OXCT1: variants seen among roughly 807,000 people sequenced by gnomAD.
OXCT1 encodes 3-oxoacid CoA-transferase 1, also known as succinyl-CoA:3-ketoacid coenzyme A transferase 1, mitochondrial.
In OXCT1, 27 loss-of-function variants were observed where a neutral mutation model predicts 69.6. The observed-to-expected ratio is 0.39, with a 90% CI of 0.29 to 0.54. The LOEUF is 0.54. OXCT1 is among the 20% of genes least tolerant of loss of function. The probability of loss-of-function intolerance (pLI) is 0.72; values close to 1 mark genes in which losing one functional copy is unlikely to be tolerated. For missense variants in OXCT1, 437 were observed against 650.2 expected (o/e 0.67, Z 3.57); for synonymous variants, 202 against 217.8 (o/e 0.93, Z 0.64).
chr5:41,811,449 T>C (rs779510413), intron 7 of OXCT1, among the ~76,000 whole-genome samples: 2 of 151,936 alleles, frequency 1.3e-5, no homozygotes, highest in Non-Finnish European at 2.9e-5. Flanking sequence ...AAAAAAGAAA[T>C]AATTTTTTAA....
chr5:41,856,939 G>A (rs1413858428), intron 3 of OXCT1, among the ~76,000 whole-genome samples: 1 of 152,056 alleles, frequency 6.6e-6, no homozygotes, highest in Admixed American at 6.6e-5. Context: ...CCTAGTACCT[G>A]GCTAGGTCCC....
intron 7 of OXCT1, among the ~76,000 whole-genome samples, chr5:41,836,299 G>C (rs993496023): frequency 6.6e-6 from 1 of 152,206 alleles, no homozygotes; most frequent in South Asian, 2.1e-4. Context: ...GCGCCCATGT[G>C]CACTATTTTT....
Position 41,870,162 on chromosome 5 carries a change from C to T in OXCT1, c.78+119G>A. The T allele has an allele frequency of 1.2e-6, 1 of 839,010 alleles. No individual in the cohort carries two copies. The highest frequency in any genetic ancestry group is 2.0e-6 in the Non-Finnish European group (1 of 498,160). 52.0% of individuals were successfully genotyped at this position (839,010 alleles called of 1,614,324 possible). A position where few individuals can be genotyped will look rare whatever the true frequency, so the allele number is the denominator to read the frequency against. On this transcript the variant is annotated intron_variant, in intron 1 of 16. Transcript: ENST00000196371. The surrounding 1 kb of genome is among the most constrained non-coding windows in gnomAD (Gnocchi z 4.2). ...TGTCCGTGACCAGGGCACCGCGCCA[C>T]GGATGCCAGATCCCAGGCTGGAGAG...
chr5:41,745,437 C>T (rs1233749879), intron 15 of OXCT1, among the ~76,000 whole-genome samples: 1 of 152,074 alleles, frequency 6.6e-6, no homozygotes, highest in Admixed American at 6.6e-5. Context: ...TAAATGCCCA[C>T]AAGAGAAAGC....
At chr5:41,760,227 T>A (rs772503629) in intron 14 of OXCT1, among the ~76,000 whole-genome samples, 55 of 152,254 alleles carry the variant, frequency 3.6e-4, no homozygotes, top group Non-Finnish European at 4.6e-4. Flanking sequence ...AGAGAAACTG[T>A]TGATTATTTT....
At chr5:41,775,635 T>A (rs1238550345) in intron 13 of OXCT1, among the ~76,000 whole-genome samples, 1 of 152,142 alleles carries the variant, frequency 6.6e-6, no homozygotes, top group Non-Finnish European at 1.5e-5. Flanking sequence ...AGACCCTCTC[T>A]CCTTCCTAGA....
intron 12 of OXCT1, 155 bp downstream of exon 12, chr5:41,794,522 G>C (rs534110624): frequency 3.3e-5 from 23 of 693,134 alleles, no homozygotes; most frequent in Middle Eastern, 5.9e-4. Context: ...CCCAACATTC[G>C]ATGTGAATAA....
intron 7 of OXCT1, among the ~76,000 whole-genome samples, chr5:41,815,689 C>T (rs1747205661): frequency 6.6e-6 from 1 of 152,132 alleles, no homozygotes; most frequent in African/African-American, 2.4e-5. Flanking sequence ...TCATTCAAAG[C>T]ACCAGTCTTA....
intron 6 of OXCT1, 39 bp downstream of exon 6, chr5:41,842,636 T>C: frequency 1.5e-6 from 2 of 1,348,628 alleles, no homozygotes; most frequent in Non-Finnish European, 2.1e-6. Context: ...TTTTTAGAGT[T>C]GCTGATATGC....
chr5:41,758,935 TG>T (rs1744214607), intron 14 of OXCT1, among the ~76,000 whole-genome samples: 1 of 152,070 alleles, frequency 6.6e-6, no homozygotes, highest in African/African-American at 2.4e-5. Flanking sequence ...TGGGTTTATC[TG>T]TGTGCCCAGA....
intron 9 of OXCT1, 151 bp downstream of exon 9, chr5:41,805,416 C>T (rs1225715513): frequency 4.1e-5 from 26 of 629,346 alleles, no homozygotes; most frequent in Non-Finnish European, 7.3e-5. Flanking sequence ...TTATATGCCA[C>T]ATTTTGTAAA....
intron 7 of OXCT1, among the ~76,000 whole-genome samples, chr5:41,824,645 C>T (rs1277807687): frequency 6.6e-6 from 1 of 152,116 alleles, no homozygotes; most frequent in East Asian, 1.9e-4. Flanking sequence ...ATAAATAAAA[C>T]AGCAGCTAAA....
chr5:41,869,691 T>C (rs1750186733), intron 1 of OXCT1, among the ~76,000 whole-genome samples: 1 of 151,992 alleles, frequency 6.6e-6, no homozygotes, highest in Non-Finnish European at 1.5e-5. Flanking sequence ...TGGCGAGCGC[T>C]CCAGTCTACG....
At chr5:41,788,268 A>G (rs1032411497) in intron 13 of OXCT1, among the ~76,000 whole-genome samples, 1 of 152,134 alleles carries the variant, frequency 6.6e-6, no homozygotes, top group African/African-American at 2.4e-5. Flanking sequence ...TAAAATACTC[A>G]AAAAATACGT....
chr5:41,801,549 G>A (rs569020048), intron 10 of OXCT1, among the ~76,000 whole-genome samples: 16 of 152,134 alleles, frequency 1.1e-4, no homozygotes, highest in African/African-American at 3.6e-4. Flanking sequence ...AATCAAAGAG[G>A]AAAAATTTAG....
intron 7 of OXCT1, among the ~76,000 whole-genome samples, chr5:41,831,980 G>C (rs565376542): frequency 4.3e-4 from 66 of 152,118 alleles, no homozygotes; most frequent in Non-Finnish European, 8.1e-4. Context: ...ATGGAGAGGT[G>C]GTGGAGCAAG....
intron 9 of OXCT1, among the ~76,000 whole-genome samples, chr5:41,803,590 G>A (rs36005620): frequency 0.18 from 27,823 of 151,908 alleles, 2,764 homozygotes; most frequent in Middle Eastern, 0.28. Flanking sequence ...TGGAGTTACC[G>A]TTTTTAAATT....
chr5:41,776,261 A>T (rs762808764), intron 13 of OXCT1, among the ~76,000 whole-genome samples: 2 of 152,228 alleles, frequency 1.3e-5, no homozygotes, highest in Non-Finnish European at 2.9e-5. Context: ...AAGACTGAGA[A>T]ACTGGCACAG....
At chr5:41,841,483 G>A (rs901090230) in intron 6 of OXCT1, among the ~76,000 whole-genome samples, 1 of 152,088 alleles carries the variant, frequency 6.6e-6, no homozygotes, top group African/African-American at 2.4e-5. Flanking sequence ...TGTTCCAGCT[G>A]TCCCACTAAA....
Sources: allele counts gnomAD v4.1 joint callset (sites outside exome capture counted in the v4.1 genomes callset), GRCh38; gene constraint gnomAD v4.1.1; non-coding constraint Gnocchi (gnomAD v3.1); transcripts MANE v1.5; gene names NCBI Gene and HGNC (gene_info 2026-07-23, HGNC 2026-07-21).